TPR: variants seen among roughly 807,000 people sequenced by gnomAD.
The protein encoded by TPR is translocated promoter region, nuclear basket protein.
Under a neutral mutation model 316.1 loss-of-function variants are expected in TPR, and 51 were observed. The ratio of observed to expected loss-of-function variants is 0.16; its 90% CI spans 0.13 to 0.20. TPR has a LOEUF of 0.20. Among genes scored for constraint, TPR ranks in the 10% least tolerant of loss-of-function variants. The probability of loss-of-function intolerance (pLI) is 1.00; values close to 1 mark genes in which losing one functional copy is unlikely to be tolerated. For missense variants in TPR, 2,272 were observed against 2,754.8 expected, an observed-to-expected ratio of 0.82 and a Z score of 3.92; for synonymous variants, 981 against 914.7, an observed-to-expected ratio of 1.07 and a Z score of -1.31.
chr1:186,322,076 G>A (rs888883844), intron 45 of TPR, among the ~76,000 whole-genome samples: 2 of 152,184 alleles, frequency 1.3e-5, no homozygotes, highest in African/African-American at 4.8e-5. Context: ...TAGAGGCCAT[G>A]TTCTTAAACA....
rs1287640109 is a variant in TPR, at chr1:186,341,058, C to T, written c.3990G>A (p.Glu1330=). 3 of 1,613,924 alleles carry T rather than the reference C, an allele frequency of 1.9e-6. No individual in the cohort carries two copies. Among genetic ancestry groups the T allele is most frequent in the African/African-American group, 1.3e-5 (1 of 74,998 alleles). The part of the protein sequence containing the change: ...MLQAEKKLLE[E]DVKRWKARNQ... ...TACGTGCTTTCCAACGTTTGACATC[C>T]TCTTCTAAGAGCTTCTTCTCTGCCT... The change falls in exon 29 of 51, where the codon GAG becomes GAA. Residue 1330 remains glutamate, a synonymous_variant. Coordinates refer to ENST00000367478, the MANE Select transcript of TPR (RefSeq NM_003292.3).
intron 34 of TPR, 39 bp from the exon 35 acceptor site, chr1:186,335,168 C>A: frequency 1.3e-6 from 2 of 1,580,734 alleles, no homozygotes; most frequent in Admixed American, 1.9e-5. Flanking sequence ...TCCTAGCCCA[C>A]AAGAGTCCAC....
At chr1:186,338,747 T>C (rs1048913864) in intron 30 of TPR, among the ~76,000 whole-genome samples, 1 of 152,224 alleles carries the variant, frequency 6.6e-6, no homozygotes, top group African/African-American at 2.4e-5. Flanking sequence ...GTCTATGGGC[T>C]ACAGTTTGCC....
Position 186,352,042 on chromosome 1 carries a change from T to C in TPR, c.2403A>G (p.Gln801=), listed in dbSNP as rs776878771. ...LKLSEVRLSQ[Q]RESLLAEQRG... Reference sequence around the variant, plus strand: ...TTTGTTCAGCTAACAAAGACTCTCTTTGCTGAGAAAGACGAACTTCAGACA... The same window carrying C: ...TTTGTTCAGCTAACAAAGACTCTCTCTGCTGAGAAAGACGAACTTCAGACA... Residue 801 remains glutamine (Q), a synonymous_variant, in exon 19 of 51, where the codon CAA becomes CAG. Transcript: ENST00000367478. The C allele has an allele frequency of 3.7e-6, 6 of 1,610,464 alleles. No homozygotes were observed. In the South Asian group the frequency reaches 5.5e-5, roughly 15 times the overall value.
rs551531809 is a variant in TPR, at chr1:186,311,747, T to C, written c.*2224A>G. 1.4e-4 allele frequency: 110 copies of C among 799,466 alleles called. No homozygotes were observed. The highest frequency in any genetic ancestry group is 1.4e-3 in the Middle Eastern group (4 of 2,944). 49.5% of individuals were successfully genotyped at this position (799,466 alleles called of 1,614,324 possible). On this transcript the variant is annotated 3_prime_UTR_variant, in exon 51 of 51. Coordinates refer to ENST00000367478, the MANE Select transcript of TPR (RefSeq NM_003292.3). The stretch of plus-strand genomic sequence containing the variant: ...AAAATCAATATTGAGGGTAGTATTC[T>C]TATTGCCCTCAATTTTTATTTTCAT...
At chr1:186,329,438 G>C (rs1054385291) in intron 39 of TPR, among the ~76,000 whole-genome samples, 2 of 152,134 alleles carry the variant, frequency 1.3e-5, no homozygotes, top group African/African-American at 4.8e-5. Flanking sequence ...GCTATAAGAT[G>C]CAAGCATAAA....
chr1:186,358,675 A>C, intron 12 of TPR, 25 bp from the exon 13 acceptor site: 1 of 1,593,886 alleles, frequency 6.3e-7, no homozygotes, highest in Non-Finnish European at 8.6e-7. Flanking sequence ...TTCAAGTGAA[A>C]ATTTTGTACT....
chr1:186,340,332 G>A (rs114144166), intron 29 of TPR, among the ~76,000 whole-genome samples: 2,609 of 152,182 alleles, frequency 0.017, 78 homozygotes, highest in African/African-American at 0.059. Context: ...CTGGAGTTTC[G>A]AACCACAGTA....
At chr1:186,374,595 C>CT (rs1659646764) in intron 1 of TPR, among the ~76,000 whole-genome samples, 1 of 152,214 alleles carries the variant, frequency 6.6e-6, no homozygotes, top group Non-Finnish European at 1.5e-5. Context: ...TTCGCAGACT[C>CT]TATCAAGTCT....
chr1:186,350,255 A>G lies in TPR; in HGVS notation c.2744T>C (p.Val915Ala), dbSNP rs34289830. 2.3e-4 allele frequency: 378 copies of G among 1,612,520 alleles called. 1 individual carries two copies. The African/African-American group carries it at 4.4e-3, about 19-fold the overall frequency. The change falls in exon 21 of 51, where the codon GTT (valine) becomes GCT (alanine). Residue 915 changes from valine (V) to alanine (A), a missense_variant. Val to Ala is a moderately conservative substitution (Grantham distance 64). Coordinates refer to ENST00000367478, the MANE Select transcript of TPR (RefSeq NM_003292.3). ...AGTTCTCTGTGAAGACTGAGAAGCA[A>G]CTTGGACTTCCATATTACTGAGGTG... ...KQHLSNMEVQ[V>A]ASQSSQRTGK...
intron 3 of TPR, among the ~76,000 whole-genome samples, chr1:186,369,257 G>T (rs1659447601): frequency 1.3e-5 from 2 of 152,038 alleles, no homozygotes; most frequent in Non-Finnish European, 2.9e-5. Flanking sequence ...GATTCCATCA[G>T]AATTTCAGAA....
intron 21 of TPR, 116 bp from the exon 22 acceptor site, chr1:186,347,574 A>G (rs995933976): frequency 1.1e-4 from 126 of 1,110,770 alleles, no homozygotes; most frequent in Non-Finnish European, 1.4e-4. Flanking sequence ...TTTAGAAAGT[A>G]TATTTCAATC....
intron 3 of TPR, among the ~76,000 whole-genome samples, chr1:186,369,641 G>A (rs1659458918): frequency 6.6e-6 from 1 of 151,790 alleles, no homozygotes; most frequent in Non-Finnish European, 1.5e-5. Context: ...AGGTTTTTGT[G>A]GAATCTTTCA....
At chr1:186,314,525 TG>T in intron 50 of TPR, 103 bp downstream of exon 50, 2 of 816,888 alleles carry the variant, frequency 2.4e-6, no homozygotes, top group East Asian at 2.8e-5. Context: ...AATAAAACTT[TG>T]GAACATTAAA....
intron 2 of TPR, among the ~76,000 whole-genome samples, 192 bp from the exon 3 acceptor site, chr1:186,371,235 A>G (rs1659514784): frequency 6.6e-6 from 1 of 152,218 alleles, no homozygotes; most frequent in Admixed American, 6.5e-5. Flanking sequence ...AATTTTAAAT[A>G]TGCTATCCTG....
At chr1:186,338,957 G>A (rs57716405) in intron 30 of TPR, among the ~76,000 whole-genome samples, 14,076 of 152,070 alleles carry the variant, frequency 0.093, 967 homozygotes, top group East Asian at 0.38. Flanking sequence ...GAGAATGTAC[G>A]TATATATATC....
chr1:186,332,621 T>A (rs540124294), intron 37 of TPR, among the ~76,000 whole-genome samples: 1 of 152,248 alleles, frequency 6.6e-6, no homozygotes, highest in East Asian at 1.9e-4. Context: ...TTACAATATA[T>A]CTGGTTCACT....
chr1:186,363,556 T>TG, intron 4 of TPR, 111 bp from the exon 5 acceptor site: 3 of 680,822 alleles, frequency 4.4e-6, no homozygotes, highest in South Asian at 3.8e-5. Flanking sequence ...TATGCACAGC[T>TG]GGCCCTTGAA....
Position 186,347,365 on chromosome 1 carries a change from G to C in TPR, c.2870C>G (p.Thr957Arg). ...QVNDLKERLKTSTSNVEQYQA... is the reference protein window; with the variant it reads ...QVNDLKERLKRSTSNVEQYQA... ...ATATTGTTCCACATTGCTCGTACTT[G>C]TTTTGAGTCTCTCCTTTAAGTCATT... The change falls in exon 22 of 51, where the codon ACA (threonine) becomes AGA (arginine). Residue 957 changes from threonine to arginine, a missense_variant. Transcript: ENST00000367478. 1 of 1,614,026 alleles carries C rather than the reference G, an allele frequency of 6.2e-7. No individual in the cohort carries two copies. The highest frequency in any genetic ancestry group is 8.5e-7 in the Non-Finnish European group (1 of 1,179,972).
Sources: allele counts gnomAD v4.1 joint callset (sites outside exome capture counted in the v4.1 genomes callset), GRCh38; gene constraint gnomAD v4.1.1; transcripts MANE v1.5; gene names NCBI Gene and HGNC (gene_info 2026-07-23, HGNC 2026-07-21).